The following ZNF462 variants were observed in gnomAD, a reference collection of about 807,000 sequenced individuals.
ZNF462 encodes zinc finger PBX1-interacting protein.
Under a neutral mutation model 201.9 loss-of-function variants are expected in ZNF462, and 10 were observed. The observed-to-expected ratio is 0.05, with a 90% CI of 0.03 to 0.08. The LOEUF (loss-of-function observed/expected upper bound fraction) is 0.08. Ranked by LOEUF, ZNF462 falls within the 10% of genes least tolerant of loss-of-function variation. The pLI, the probability that ZNF462 is intolerant of heterozygous loss-of-function variation, is 1.00. For missense variants in ZNF462, 2,523 were observed against 3,168.3 expected (o/e 0.80, Z 4.89); for synonymous variants, 1,227 against 1,193.3 (o/e 1.03, Z -0.58).
rs1480161435 is a variant in ZNF462, at chr9:106,924,505, C to T, written c.593C>T (p.Ala198Val). The T allele has an allele frequency of 6.2e-7, 1 of 1,614,122 alleles. No homozygotes were observed. The highest frequency in any genetic ancestry group is 8.5e-7 in the Non-Finnish European group (1 of 1,180,020). The change falls in exon 3 of 13, where the codon GCT (alanine) becomes GTT (valine). Residue 198 changes from alanine to valine, a missense_variant. Physicochemically the swap from Ala to Val is moderately conservative, Grantham distance 64 (BLOSUM62 0). This residue lies in a region of ZNF462 where 480 missense variants were observed against 544.4 expected (regional missense o/e 0.88). Coordinates refer to ENST00000277225, the MANE Select transcript of ZNF462 (RefSeq NM_021224.6). This position sits in a 1 kb window ranked among gnomAD's most constrained non-coding sequence, Gnocchi z 6.2. ...NLKETTAPPPAPAPMPDPVVP... is the reference protein window; with the variant it reads ...NLKETTAPPPVPAPMPDPVVP... The stretch of plus-strand genomic sequence containing the variant: ...AAGGAGACCACTGCTCCCCCACCTG[C>T]TCCTGCTCCAATGCCAGACCCTGTG...
rs1418696002 is a variant in ZNF462 at position 106,902,469 on chromosome 9, G to T, written c.-30-20885G>T. Among the ~76,000 whole-genome samples the T allele has an allele frequency of 6.6e-6, 1 of 151,878 alleles. No individual in the cohort carries two copies. Among genetic ancestry groups the T allele is most frequent in the East Asian group, 1.9e-4 (1 of 5,180 alleles). ...TAGGGAGGGTTCTCTCTCTCTCTCT[G>T]TCTTGTGGAATAGTGTCAAAAGGAC... On this transcript the variant is annotated intron_variant, in intron 1 of 12. Transcript: ENST00000277225. The surrounding 1 kb of genome is among the most constrained non-coding windows in gnomAD (Gnocchi z 4.2).
chr9:106,980,804 C>T (rs1416388986), intron 9 of ZNF462, among the ~76,000 whole-genome samples: 1 of 152,136 alleles, frequency 6.6e-6, no homozygotes, highest in Non-Finnish European at 1.5e-5. Flanking sequence ...GAGTGTGATT[C>T]AGGCCTTGAG....
In ZNF462 at chr9:106,932,178, T is replaced by C; in HGVS notation, c.6013-268T>C. 6.6e-7 allele frequency: 1 copy of C among 1,513,428 alleles called. No homozygotes were observed. Among genetic ancestry groups the C allele is most frequent in the Non-Finnish European group, 8.8e-7 (1 of 1,133,342 alleles). 93.7% of individuals were successfully genotyped at this position (1,513,428 alleles called of 1,614,324 possible). A position where few individuals can be genotyped will look rare whatever the true frequency, so the allele number is the denominator to read the frequency against. The stretch of plus-strand genomic sequence containing the variant: ...AGAAGTGCTGTTGAGTTTGGGAGAA[T>C]GTAGGGAGAAAAAGAAAGCTGGAGG... On this transcript the variant is annotated intron_variant, in intron 4 of 12. Coordinates refer to ENST00000277225, the MANE Select transcript of ZNF462 (RefSeq NM_021224.6). The surrounding 1 kb of genome is among the most constrained non-coding windows in gnomAD (Gnocchi z 6.8).
chr9:106,873,256 T>G (rs1269915294), intron 1 of ZNF462, among the ~76,000 whole-genome samples: 1 of 152,174 alleles, frequency 6.6e-6, no homozygotes, highest in Non-Finnish European at 1.5e-5. Context: ...GAAGTGTGTT[T>G]AACTTAAGAG....
chr9:106,960,269 TC>T (rs1190290490), intron 7 of ZNF462, among the ~76,000 whole-genome samples: 1 of 152,074 alleles, frequency 6.6e-6, no homozygotes, highest in East Asian at 1.9e-4. Flanking sequence ...CCACAGTTGT[TC>T]CCTCCGGGCT....
chr9:106,955,161 T>C (rs1272572508), intron 7 of ZNF462, among the ~76,000 whole-genome samples: 1 of 152,154 alleles, frequency 6.6e-6, no homozygotes, highest in South Asian at 2.1e-4. Flanking sequence ...TCTTGAAATA[T>C]GAGATCTGAT....
rs764354861 is a variant in ZNF462, at chr9:106,926,841, C to T, written c.2929C>T (p.Leu977=). Residue 977 remains leucine (L), a synonymous_variant, in exon 3 of 13, where the codon CTG becomes TTG. Transcript: ENST00000277225. The surrounding 1 kb of genome is among the most constrained non-coding windows in gnomAD (Gnocchi z 7.9). ...QEGLNTESQT[L]REILNSAPKN... The stretch of plus-strand genomic sequence containing the variant: ...AGGGCTGAATACAGAATCCCAGACC[C>T]TGAGGGAGATTCTGAATTCGGCTCC... 16 of 1,614,140 alleles carry T rather than the reference C, an allele frequency of 9.9e-6. No individual in the cohort carries two copies. The highest frequency in any genetic ancestry group is 1.4e-5 in the Non-Finnish European group (16 of 1,180,036).
chr9:106,924,645 T>C lies in ZNF462; in HGVS notation c.733T>C (p.Cys245Arg). Reference sequence around the variant, plus strand: ...GACCAAATCTCGAGGCAACTTTTGTTGTGAGTGGTGCAGCTACCAGACCCC... The same window carrying C: ...GACCAAATCTCGAGGCAACTTTTGTCGTGAGTGGTGCAGCTACCAGACCCC... ...PLTKSRGNFC[C>R]EWCSYQTPRR... is the part of the protein sequence containing the mutation. Residue 245 changes from cysteine to arginine, a missense_variant, in exon 3 of 13, where the codon TGT becomes CGT. Physicochemically the swap from Cys to Arg is radical, Grantham distance 180 (BLOSUM62 -3). This residue lies in a region of ZNF462 where 480 missense variants were observed against 544.4 expected (regional missense o/e 0.88). Transcript: ENST00000277225. This position sits in a 1 kb window ranked among gnomAD's most constrained non-coding sequence, Gnocchi z 6.2. 6.2e-7 allele frequency: 1 copy of C among 1,614,064 alleles called. No homozygotes were observed. The highest frequency in any genetic ancestry group is 8.5e-7 in the Non-Finnish European group (1 of 1,180,008).
chr9:107,002,379 A>G (rs1440621336), intron 10 of ZNF462, among the ~76,000 whole-genome samples: 1 of 152,164 alleles, frequency 6.6e-6, no homozygotes, highest in Non-Finnish European at 1.5e-5. Flanking sequence ...AGCCCATGGC[A>G]ATTTTTTGAC....
In ZNF462 at chr9:106,928,414, C is replaced by T; in HGVS notation, c.4502C>T (p.Ala1501Val). 6.2e-7 allele frequency: 1 copy of T among 1,614,174 alleles called. No individual in the cohort carries two copies. Among genetic ancestry groups the T allele is most frequent in the Non-Finnish European group, 8.5e-7 (1 of 1,180,038 alleles). ...KKHPGMKVKA[A>V]DFAQDIDINP... ...CACCCTGGCATGAAAGTGAAGGCTG[C>T]TGACTTTGCCCAGGACATTGACATC... Residue 1501 changes from alanine to valine, a missense_variant, in exon 3 of 13, where the codon GCT becomes GTT. Coordinates refer to ENST00000277225, the MANE Select transcript of ZNF462 (RefSeq NM_021224.6). This position sits in a 1 kb window ranked among gnomAD's most constrained non-coding sequence, Gnocchi z 9.3.
intron 10 of ZNF462, among the ~76,000 whole-genome samples, chr9:106,994,816 A>G (rs1030523664): frequency 1.3e-5 from 2 of 152,114 alleles, no homozygotes; most frequent in Admixed American, 1.3e-4. Flanking sequence ...GAAACCATCC[A>G]CTAAACTCCC....
chr9:106,976,158 A>T (rs1162076468), intron 9 of ZNF462: 1 of 152,218 alleles, frequency 6.6e-6, no homozygotes, highest in African/African-American at 2.4e-5. Context: ...ATAAGAAGAA[A>T]CTAGTGGAAA....
rs556521257 is a variant in ZNF462, at chr9:106,919,998, A to T, written c.-30-3356A>T. 1.3e-5 allele frequency among the ~76,000 whole-genome samples: 2 copies of T among 152,350 alleles called. No individual in the cohort carries two copies. Among genetic ancestry groups the T allele is most frequent in the East Asian group, 3.9e-4 (2 of 5,190 alleles). On this transcript the variant is annotated intron_variant, in intron 1 of 12. Transcript: ENST00000277225. The surrounding 1 kb of genome is among the most constrained non-coding windows in gnomAD (Gnocchi z 4.5). The stretch of plus-strand genomic sequence containing the variant: ...AAAATATTGCTAATTTCATAATCAT[A>T]GTATTATTAAATGAAGTCAATAGAT...
At position 106,993,028 on chromosome 9, in the gene ZNF462, T is replaced by C. The variant is rs1450874090; in HGVS notation, c.7056+8619T>C. Among the ~76,000 whole-genome samples, 2 of 152,248 alleles carry C rather than the reference T, an allele frequency of 1.3e-5. No homozygotes were observed. The highest frequency in any genetic ancestry group is 2.1e-4 in the South Asian group (1 of 4,826). ...GTTCCAAACAGGGATTCACTTTTTT[T>C]CCCAGTAAAACAGTGCATTGCTCAT... On this transcript the variant is annotated intron_variant, in intron 10 of 12. Transcript: ENST00000277225. This position sits in a 1 kb window ranked among gnomAD's most constrained non-coding sequence, Gnocchi z 4.0.
intron 10 of ZNF462, among the ~76,000 whole-genome samples, chr9:106,998,362 T>C (rs1169874177): frequency 6.6e-6 from 1 of 152,208 alleles, no homozygotes; most frequent in Non-Finnish European, 1.5e-5. Context: ...TCTATCAGAC[T>C]GGGTTTGCTA....
At position 106,880,570 on chromosome 9, in the gene ZNF462, T is replaced by G. The variant is rs1266971411; in HGVS notation, c.-31+17215T>G. On this transcript the variant is annotated intron_variant, in intron 1 of 12. Coordinates refer to ENST00000277225, the MANE Select transcript of ZNF462 (RefSeq NM_021224.6). This position sits in a 1 kb window ranked among gnomAD's most constrained non-coding sequence, Gnocchi z 4.1. Reference sequence around the variant, plus strand: ...TTGTTTATGTTAAGTAGCTCTAAATTTCAGTGATCCTGCCTTTCTGGTGTC... The same window carrying G: ...TTGTTTATGTTAAGTAGCTCTAAATGTCAGTGATCCTGCCTTTCTGGTGTC... Among the ~76,000 whole-genome samples the G allele has an allele frequency of 6.6e-6, 1 of 152,204 alleles. No homozygotes were observed. The highest frequency in any genetic ancestry group is 1.5e-5 in the Non-Finnish European group (1 of 68,032).
At chr9:106,937,403 T>C (rs1292416375) in intron 6 of ZNF462, among the ~76,000 whole-genome samples, 1 of 152,178 alleles carries the variant, frequency 6.6e-6, no homozygotes, top group Non-Finnish European at 1.5e-5. Context: ...GGACAAAGAA[T>C]GATCTTCCAA....
chr9:106,959,852 C>G (rs1196223630), intron 7 of ZNF462, among the ~76,000 whole-genome samples: 1 of 151,958 alleles, frequency 6.6e-6, no homozygotes, highest in Non-Finnish European at 1.5e-5. Flanking sequence ...AATTTAATAC[C>G]CTACACCTGA....
At position 106,883,960 on chromosome 9, in the gene ZNF462, A is replaced by C. The variant is rs963555981; in HGVS notation, c.-31+20605A>C. On this transcript the variant is annotated intron_variant, in intron 1 of 12. Coordinates refer to ENST00000277225, the MANE Select transcript of ZNF462 (RefSeq NM_021224.6). This position sits in a 1 kb window ranked among gnomAD's most constrained non-coding sequence, Gnocchi z 4.9. ...TAGAGGAAGCTGTTATGCTGTCTTC[A>C]TTGCTCATAAAAAAATGTTTAAGCA... Among the ~76,000 whole-genome samples the C allele has an allele frequency of 6.6e-6, 1 of 152,198 alleles. No individual in the cohort carries two copies. Among genetic ancestry groups the C allele is most frequent in the Non-Finnish European group, 1.5e-5 (1 of 68,030 alleles).
Sources: allele counts gnomAD v4.1 joint callset (sites outside exome capture counted in the v4.1 genomes callset), GRCh38; gene constraint gnomAD v4.1.1; regional missense constraint gnomAD v4.1.1; non-coding constraint Gnocchi (gnomAD v3.1); transcripts MANE v1.5; gene names NCBI Gene and HGNC (gene_info 2026-07-23, HGNC 2026-07-21).